The following MED24 variants were observed in gnomAD, a reference collection of about 807,000 sequenced individuals.
The protein encoded by MED24 is mediator of RNA polymerase II transcription subunit 24.
Under a neutral mutation model 118.8 loss-of-function variants are expected in MED24, and 74 were observed. That is an observed-to-expected ratio of 0.62 (90% CI 0.52 to 0.76). The LOEUF is 0.76. MED24 is among the 30% of genes least tolerant of loss of function. The pLI, the probability that MED24 is intolerant of heterozygous loss-of-function variation, is 0.00. For missense variants in MED24, 1,041 were observed against 1,278.9 expected (o/e 0.81, Z 2.84); for synonymous variants, 521 against 523.9 (o/e 0.99, Z 0.08).
At chr17:40,040,506 G>A (rs1218344304) in intron 3 of MED24, among the ~76,000 whole-genome samples, 2 of 151,786 alleles carry the variant, frequency 1.3e-5, no homozygotes, top group Admixed American at 1.3e-4. Context: ...GTATGAGCCT[G>A]GCCTAGATTC....
chr17:40,030,049 T>G (rs1983182025), intron 12 of MED24, among the ~76,000 whole-genome samples, 190 bp from the exon 13 acceptor site: 1 of 152,210 alleles, frequency 6.6e-6, no homozygotes, highest in South Asian at 2.1e-4. Flanking sequence ...AGTCTTTTTT[T>G]TTGAGACAGG....
intron 3 of MED24, among the ~76,000 whole-genome samples, chr17:40,047,960 C>A (rs996695585): frequency 5.9e-5 from 9 of 152,178 alleles, no homozygotes; most frequent in African/African-American, 2.2e-4. Context: ...GAACTTCTGA[C>A]CTCAGGTGAT....
chr17:40,025,893 T>C (rs1232542318), intron 19 of MED24, among the ~76,000 whole-genome samples: 1 of 152,174 alleles, frequency 6.6e-6, no homozygotes, highest in Non-Finnish European at 1.5e-5. Flanking sequence ...GCTAGTTGTC[T>C]AGAACTTGAG....
chr17:40,035,127 T>G lies in MED24; in HGVS notation c.549A>C (p.Leu183=), dbSNP rs766701823. 6.2e-7 allele frequency: 1 copy of G among 1,614,048 alleles called. No individual in the cohort carries two copies. The highest frequency in any genetic ancestry group is 2.2e-5 in the East Asian group (1 of 44,872). Reference sequence around the variant, plus strand: ...AATCAAGGGACATACAGGCCTCCTCTAGTTTGGCGATGTGCAGCAGGGCCC... The same window carrying G: ...AATCAAGGGACATACAGGCCTCCTCGAGTTTGGCGATGTGCAGCAGGGCCC... ...KNRALLHIAK[L]EEASSWTAIE... Residue 183 remains leucine (L), a synonymous_variant, in exon 6 of 26, where the codon CTA becomes CTC. Coordinates refer to ENST00000394128, the MANE Select transcript of MED24 (RefSeq NM_014815.4).
intron 3 of MED24, among the ~76,000 whole-genome samples, chr17:40,049,051 G>A (rs952466189): frequency 3.3e-5 from 5 of 151,852 alleles, no homozygotes; most frequent in Non-Finnish European, 7.4e-5. Flanking sequence ...GACTGTAAAG[G>A]GGTCCAGGGA....
At chr17:40,045,605 C>A (rs78289211) in intron 3 of MED24, among the ~76,000 whole-genome samples, 1 of 152,088 alleles carries the variant, frequency 6.6e-6, no homozygotes, top group Non-Finnish European at 1.5e-5. Context: ...AGCAACATGG[C>A]GAAACCGTGT....
In MED24 at chr17:40,022,406, G is replaced by A. The variant is rs552966224; in HGVS notation, c.2511C>T (p.Arg837=). The change falls in exon 22 of 26, where the codon CGC becomes CGT. Residue 837 remains arginine (R), a synonymous_variant. Coordinates refer to ENST00000394128, the MANE Select transcript of MED24 (RefSeq NM_014815.4). ...CTGGGGGGCCTACCTCAATGTCTTCGCGGTGTCTCTTCTTCTGGCGGGTGG... is the reference window on the plus strand; with the variant it reads ...CTGGGGGGCCTACCTCAATGTCTTCACGGTGTCTCTTCTTCTGGCGGGTGG... ...QASTRQKKRH[R]EDIEDYISLF... The A allele has an allele frequency of 9.3e-5, 149 of 1,609,582 alleles. No individual in the cohort carries two copies. In the South Asian group the frequency reaches 1.2e-3, roughly 13 times the overall value.
At chr17:40,040,518 T>A (rs1488422209) in intron 3 of MED24, among the ~76,000 whole-genome samples, 2 of 152,080 alleles carry the variant, frequency 1.3e-5, no homozygotes, top group African/African-American at 4.8e-5. Context: ...CCTAGATTCT[T>A]CTATTTTTAA....
intron 12 of MED24, among the ~76,000 whole-genome samples, chr17:40,030,524 G>A (rs1983231603): frequency 6.6e-6 from 1 of 152,058 alleles, no homozygotes; most frequent in African/African-American, 2.4e-5. Context: ...TCAAACTCCT[G>A]ACCTCGTGAT....
intron 3 of MED24, among the ~76,000 whole-genome samples, chr17:40,040,063 G>T (rs1984389573): frequency 6.6e-6 from 1 of 150,832 alleles, no homozygotes; most frequent in African/African-American, 2.4e-5. Context: ...GATTACAGGT[G>T]TGAGCCACCA....
intron 3 of MED24, among the ~76,000 whole-genome samples, chr17:40,047,749 G>A (rs1489624140): frequency 6.6e-6 from 1 of 151,866 alleles, no homozygotes; most frequent in Non-Finnish European, 1.5e-5. Flanking sequence ...TGTATGTTCT[G>A]AGACGAAGTT....
intron 3 of MED24, among the ~76,000 whole-genome samples, chr17:40,037,055 C>T (rs571722439): frequency 1.3e-5 from 2 of 152,196 alleles, no homozygotes; most frequent in African/African-American, 4.8e-5. Context: ...GTGGCCTATG[C>T]CTGTAATCTC....
At chr17:40,041,518 T>G (rs1269815041) in intron 3 of MED24, among the ~76,000 whole-genome samples, 1 of 152,188 alleles carries the variant, frequency 6.6e-6, no homozygotes, top group African/African-American at 2.4e-5. Context: ...AGAACTCTCC[T>G]TTTGAGTACC....
In MED24 at chr17:40,033,725, C is replaced by T. The variant is rs1291370436; in HGVS notation, c.560-269G>A. On this transcript the variant is annotated intron_variant, in intron 6 of 25. Coordinates refer to ENST00000394128, the MANE Select transcript of MED24 (RefSeq NM_014815.4). This position sits in a 1 kb window ranked among gnomAD's most constrained non-coding sequence, Gnocchi z 5.2. ...CAGCTGACTTCAGAAGGTATGGCAT[C>T]ACACAGGCTCAGGAGAGAGAGGCAG... is the stretch of plus-strand genomic sequence containing the variant. 7 of 594,040 alleles carry T rather than the reference C, an allele frequency of 1.2e-5. No homozygotes were observed. Among genetic ancestry groups the T allele is most frequent in the Non-Finnish European group, 2.2e-5 (7 of 316,636 alleles). The allele number at this position is 594,040 out of a possible 1,614,324, so 36.8% of individuals were successfully genotyped here. A position where few individuals can be genotyped will look rare whatever the true frequency, so the allele number is the denominator to read the frequency against.
intron 14 of MED24, 107 bp from the exon 15 acceptor site, chr17:40,028,053 G>A: frequency 8.7e-7 from 1 of 1,151,004 alleles, no homozygotes; most frequent in South Asian, 1.3e-5. Context: ...CTGAGTTACT[G>A]GTTAAACTTA....
chr17:40,028,108 T>C, intron 14 of MED24, 162 bp from the exon 15 acceptor site: 1 of 721,532 alleles, frequency 1.4e-6, no homozygotes. Context: ...GTGGTTTTTG[T>C]TTTTTGTTTT....
At chr17:40,026,402 T>C in intron 18 of MED24, 71 bp from the exon 19 acceptor site, 1 of 1,562,238 alleles carries the variant, frequency 6.4e-7, no homozygotes, top group Non-Finnish European at 8.7e-7. Flanking sequence ...CTTCTCAGCC[T>C]CTGCGGGCAG....
chr17:40,033,353 G>C lies in MED24; in HGVS notation c.663C>G (p.Leu221=), dbSNP rs1983602930. Residue 221 remains leucine, a synonymous_variant, in exon 7 of 26, where the codon CTC becomes CTG. Transcript: ENST00000394128. The surrounding 1 kb of genome is among the most constrained non-coding windows in gnomAD (Gnocchi z 5.2). ...CCCCAGGGAGCCGGTACCTCCTAAT[G>C]AGGGTGCCACACTGCTCGGCCTGAC... ...LRSQAEQCGT[L]IRSIPTMLSV... The C allele has an allele frequency of 6.2e-7, 1 of 1,613,200 alleles. No individual in the cohort carries two copies. The highest frequency in any genetic ancestry group is 2.2e-5 in the East Asian group (1 of 44,848).
chr17:40,046,019 C>T (rs182803458), intron 3 of MED24, among the ~76,000 whole-genome samples: 2 of 151,712 alleles, frequency 1.3e-5, no homozygotes, highest in Admixed American at 1.3e-4. Context: ...CCTCATGATC[C>T]ACCCGCCTCG....
Sources: allele counts gnomAD v4.1 joint callset (sites outside exome capture counted in the v4.1 genomes callset), GRCh38; gene constraint gnomAD v4.1.1; non-coding constraint Gnocchi (gnomAD v3.1); transcripts MANE v1.5; gene names NCBI Gene and HGNC (gene_info 2026-07-23, HGNC 2026-07-21).